Variants in TMEM135 observed in about 807,000 individuals in gnomAD.
The protein encoded by TMEM135 is transmembrane protein 135.
TMEM135 carries 30 observed loss-of-function variants against 60.3 expected under a neutral mutation model. The ratio of observed to expected loss-of-function variants is 0.50; its 90% CI spans 0.37 to 0.68. TMEM135 has a LOEUF of 0.68. Ranked by LOEUF, TMEM135 falls within the 30% of genes least tolerant of loss-of-function variation. The pLI, the probability that TMEM135 is intolerant of heterozygous loss-of-function variation, is 0.00. For missense variants in TMEM135, 468 were observed against 548.8 expected, an observed-to-expected ratio of 0.85 and a Z score of 1.47; for synonymous variants, 190 against 186.7, an observed-to-expected ratio of 1.02 and a Z score of -0.14.
chr11:87,092,339 C>T lies in TMEM135; in HGVS notation c.396+944C>T, dbSNP rs113041099. 3.3e-3 allele frequency among the ~76,000 whole-genome samples: 507 copies of T among 152,098 alleles called. 5 individuals carry two copies. The highest frequency in any genetic ancestry group is 0.012 in the African/African-American group (479 of 41,488). ...AGCAGCAAACTATTCTGGGTGTGTG[C>T]GGTTGGGTCAGAGAAAAGTGGGTGT... On this transcript the variant is annotated intron_variant, in intron 4 of 14. Transcript: ENST00000305494.
intron 8 of TMEM135, among the ~76,000 whole-genome samples, chr11:87,305,142 A>T (rs1942516974): frequency 6.6e-6 from 1 of 152,132 alleles, no homozygotes; most frequent in African/African-American, 2.4e-5. Context: ...GTTTTCTCTC[A>T]AATCTAATTA....
intron 5 of TMEM135, among the ~76,000 whole-genome samples, chr11:87,166,731 G>A (rs1228054881): frequency 6.8e-6 from 1 of 146,838 alleles, no homozygotes; most frequent in Admixed American, 6.9e-5. Flanking sequence ...TTTGAAGTAA[G>A]GTAGTGTGAT....
chr11:87,053,733 A>G (rs865920691), intron 1 of TMEM135, among the ~76,000 whole-genome samples: 4 of 152,282 alleles, frequency 2.6e-5, no homozygotes, highest in Middle Eastern at 3.4e-3. Context: ...AATACTTCAG[A>G]TTTATTATTC....
chr11:87,314,327 A>C, intron 11 of TMEM135, 144 bp from the exon 12 acceptor site: 1 of 667,354 alleles, frequency 1.5e-6, no homozygotes, highest in Non-Finnish European at 2.6e-6. Flanking sequence ...CCCCATTTTA[A>C]TGTCATCTGG....
At chr11:87,093,978 A>T (rs866224824) in intron 4 of TMEM135, among the ~76,000 whole-genome samples, 17 of 152,220 alleles carry the variant, frequency 1.1e-4, no homozygotes, top group Admixed American at 2.6e-4. Context: ...TTCATCTAAC[A>T]TACCTCCACA....
At position 87,318,211 on chromosome 11, in the gene TMEM135, C is replaced by G; in HGVS notation, c.1152C>G (p.Ile384Met). ...ATGCAGATACTATCATCTATTCCAT[C>G]TCTACAGCAATTTGCTTCCAGGCAG... is the stretch of plus-strand genomic sequence containing the variant. ...FPHADTIIYSISTAICFQAAV... is the reference protein window; with the variant it reads ...FPHADTIIYSMSTAICFQAAV... The change falls in exon 13 of 15, where the codon ATC (isoleucine) becomes ATG (methionine). Residue 384 changes from isoleucine (I) to methionine (M), a missense_variant. Ile to Met is a conservative substitution (Grantham distance 10). Transcript: ENST00000305494. 6.2e-7 allele frequency: 1 copy of G among 1,612,300 alleles called. No homozygotes were observed. The highest frequency in any genetic ancestry group is 8.5e-7 in the Non-Finnish European group (1 of 1,179,526).
At chr11:87,294,882 T>G (rs1942322825) in intron 6 of TMEM135, among the ~76,000 whole-genome samples, 1 of 152,070 alleles carries the variant, frequency 6.6e-6, no homozygotes, top group African/African-American at 2.4e-5. Flanking sequence ...AATATTTTTT[T>G]GCAAATCTGA....
chr11:87,097,583 C>T (rs1366922423), intron 4 of TMEM135, among the ~76,000 whole-genome samples: 2 of 152,088 alleles, frequency 1.3e-5, no homozygotes, highest in South Asian at 4.1e-4. Flanking sequence ...GGGCTCTTTT[C>T]GAGGTTTGCA....
At chr11:87,245,607 G>A (rs1941250163) in intron 6 of TMEM135, among the ~76,000 whole-genome samples, 1 of 138,816 alleles carries the variant, frequency 7.2e-6, no homozygotes, top group Admixed American at 7.1e-5. Context: ...ATTACGTAAT[G>A]GCCTTCTTTG....
At chr11:87,083,599 A>G (rs1041055544) in intron 3 of TMEM135, among the ~76,000 whole-genome samples, 3 of 152,200 alleles carry the variant, frequency 2.0e-5, no homozygotes, top group Non-Finnish European at 4.4e-5. Context: ...GGAATAAAAG[A>G]ATACTCATAA....
intron 4 of TMEM135, among the ~76,000 whole-genome samples, chr11:87,153,709 A>G (rs1938617327): frequency 6.6e-6 from 1 of 152,224 alleles, no homozygotes; most frequent in South Asian, 2.1e-4. Flanking sequence ...CTTAAAAATA[A>G]GGGCATTGTC....
chr11:87,233,312 A>G (rs1252579571), intron 5 of TMEM135, among the ~76,000 whole-genome samples: 3 of 152,162 alleles, frequency 2.0e-5, no homozygotes, highest in Non-Finnish European at 4.4e-5. Context: ...AAATATCTCA[A>G]TTAAGACACA....
intron 6 of TMEM135, among the ~76,000 whole-genome samples, chr11:87,265,378 A>G (rs929137973): frequency 9.2e-5 from 14 of 151,924 alleles, no homozygotes; most frequent in African/African-American, 3.4e-4. Flanking sequence ...AGAATACTGG[A>G]CTCTTTTCAT....
Position 87,314,556 on chromosome 11 carries a change from A to G in TMEM135, c.1077+9A>G, listed in dbSNP as rs756021041. ...CGTCCAAATTGGTAGAGGTAAGCGA[A>G]ATTTTTGTGCAAGAATAGTTCCAAA... On this transcript the variant is annotated intron_variant, in intron 12 of 14. Transcript: ENST00000305494. 2 of 1,608,622 alleles carry G rather than the reference A, an allele frequency of 1.2e-6. No individual in the cohort carries two copies. The highest frequency in any genetic ancestry group is 2.2e-5 in the East Asian group (1 of 44,692).
At chr11:87,199,322 G>T (rs1424344592) in intron 5 of TMEM135, among the ~76,000 whole-genome samples, 1 of 152,198 alleles carries the variant, frequency 6.6e-6, no homozygotes, top group Non-Finnish European at 1.5e-5. Context: ...AAACCTCCTT[G>T]TATTGACCTC....
chr11:87,268,197 G>GT (rs962412275), intron 6 of TMEM135, among the ~76,000 whole-genome samples: 4 of 86,382 alleles, frequency 4.6e-5, no homozygotes, highest in Non-Finnish European at 1.1e-4. Context: ...CTTCTTTTCT[G>GT]TTTTTTTGAG....
At chr11:87,305,819 TTC>T (rs199830508) in intron 8 of TMEM135, 115 bp from the exon 9 acceptor site, 19 of 468,424 alleles carry the variant, frequency 4.1e-5, no homozygotes, top group Non-Finnish European at 6.7e-5. Context: ...TGATGTTTTC[TTC>T]TCTCTCTTTT....
chr11:87,283,334 A>C (rs1238144143), intron 6 of TMEM135, among the ~76,000 whole-genome samples: 1 of 138,522 alleles, frequency 7.2e-6, no homozygotes, highest in East Asian at 2.0e-4. Context: ...ATTCCATCTC[A>C]AAAAAAAAAA....
In TMEM135 at chr11:87,159,617, A is replaced by ACACACACACACACCCCCCC. The variant is rs140303858; in HGVS notation, c.462+2212_462+2213insACACACACACACCCCCCCC. Among the ~76,000 whole-genome samples the ACACACACACACACCCCCCC allele has an allele frequency of 6.4e-3, 963 of 149,398 alleles. 14 individuals carry two copies. The highest frequency in any genetic ancestry group is 0.021 in the African/African-American group (864 of 40,344). On this transcript the variant is annotated intron_variant, in intron 5 of 14. Transcript: ENST00000305494. ...CGCACACACACACACACACACACAC[A>ACACACACACACACCCCCCC]CCATAGATTTTCCGAGACGGTTGGC...
Sources: gnomAD v4.1 joint callset for allele counts (sites outside exome capture counted in the v4.1 genomes callset) on GRCh38, gnomAD v4.1.1 for gene constraint, MANE v1.5 for transcripts, NCBI Gene and HGNC (gene_info 2026-07-23, HGNC 2026-07-21) for gene names.